The following PTGR2 variants were observed in gnomAD, a reference collection of about 807,000 sequenced individuals.
The protein encoded by PTGR2 is prostaglandin reductase 2.
PTGR2 carries 32 observed loss-of-function variants against 43.4 expected under a neutral mutation model. That is an observed-to-expected ratio of 0.74 (90% CI 0.56 to 0.99). The LOEUF is 0.99. Ranked by LOEUF, PTGR2 falls within the 50% of genes least tolerant of loss-of-function variation. PTGR2 has a pLI of 0.00. For synonymous variants in PTGR2, 106 were observed against 139.2 expected (o/e 0.76, Z 1.68); for missense variants, 373 against 420.0 (o/e 0.89, Z 0.98).
intron 9 of PTGR2, among the ~76,000 whole-genome samples, chr14:73,882,851 T>C (rs2140279516): frequency 8.9e-6 from 1 of 111,992 alleles, no homozygotes; most frequent in East Asian, 2.9e-4. Context: ...GACGGAGTCT[T>C]GCTCTGTCTC....
At chr14:73,882,636 G>T (rs11844489) in intron 9 of PTGR2, among the ~76,000 whole-genome samples, 198 bp downstream of exon 9, 2,541 of 152,048 alleles carry the variant, frequency 0.017, 68 homozygotes, top group African/African-American at 0.058. Context: ...AAGTAGCTGG[G>T]ACTACAGGCG....
At chr14:73,857,489 C>T (rs918367117) in intron 1 of PTGR2, among the ~76,000 whole-genome samples, 2 of 151,662 alleles carry the variant, frequency 1.3e-5, no homozygotes, top group African/African-American at 2.4e-5. Context: ...TGGTGCACGC[C>T]TGTAATCCCA....
intron 1 of PTGR2, chr14:73,852,259 C>T (rs2054245741): frequency 6.6e-6 from 1 of 152,144 alleles, no homozygotes; most frequent in Non-Finnish European, 1.5e-5. Flanking sequence ...GGATTGGACT[C>T]ACATTTTTTT....
At chr14:73,883,188 CTTTTTTTTTTT>C (rs58234739) in intron 9 of PTGR2, among the ~76,000 whole-genome samples, 977 of 58,146 alleles carry the variant, frequency 0.017, 63 homozygotes, top group African/African-American at 0.073. Flanking sequence ...CCTCACCTCC[CTTTTTTTTTTT>C]TTTTTTTTTT....
intron 3 of PTGR2, among the ~76,000 whole-genome samples, chr14:73,871,341 C>CTTTTTTTTTTTTTTTTT (rs869073652): frequency 1.5e-5 from 1 of 67,878 alleles, no homozygotes; most frequent in Admixed American, 1.8e-4. Context: ...GGCTGTTCAT[C>CTTTTTTTTTTTTTTTTT]TTTTTTTTTT....
intron 6 of PTGR2, 91 bp from the exon 7 acceptor site, chr14:73,879,964 G>T (rs1407169987): frequency 7.5e-7 from 1 of 1,326,162 alleles, no homozygotes; most frequent in Non-Finnish European, 1.1e-6. Context: ...TGACAGAAAG[G>T]ATTAAATAGT....
chr14:73,864,575 T>C (rs2054561788), intron 3 of PTGR2, among the ~76,000 whole-genome samples: 1 of 152,260 alleles, frequency 6.6e-6, no homozygotes, highest in Non-Finnish European at 1.5e-5. Flanking sequence ...TGCTTATTGG[T>C]CATTTGCATG....
chr14:73,875,753 T>C (rs975291351), intron 4 of PTGR2, among the ~76,000 whole-genome samples: 55 of 147,170 alleles, frequency 3.7e-4, no homozygotes, highest in South Asian at 8.5e-4. Context: ...TTTTTTTTTT[T>C]CCCATACTTG....
chr14:73,874,766 T>C (rs755464490), intron 4 of PTGR2: 1 of 353,494 alleles, frequency 2.8e-6, no homozygotes, highest in Non-Finnish European at 5.6e-6. Context: ...AGGAATTGCA[T>C]GGTAAACAAA....
At chr14:73,867,013 C>T (rs34774275) in intron 3 of PTGR2, among the ~76,000 whole-genome samples, 22,386 of 144,450 alleles carry the variant, frequency 0.15, 2,173 homozygotes, top group East Asian at 0.33. Context: ...TGTTTGAACC[C>T]GGGAGGCGGA....
intron 9 of PTGR2, among the ~76,000 whole-genome samples, chr14:73,882,817 TTTTTTTTTTTTTTTTTTTTTTG>T (rs2055024944): frequency 9.5e-6 from 1 of 104,824 alleles, no homozygotes; most frequent in African/African-American, 3.8e-5. Flanking sequence ...TTTTTTTTTT[TTTTTTTTTTTTTTTTTTTTTTG>T]AGACGGAGTC....
At position 73,879,994 on chromosome 14, in the gene PTGR2, G is replaced by A. The variant is rs1032802924; in HGVS notation, c.730-61G>A. 6 of 1,563,794 alleles carry A rather than the reference G, an allele frequency of 3.8e-6. No homozygotes were observed. The Admixed American group carries it at 8.5e-5, about 22-fold the overall frequency. Reference sequence around the variant, plus strand: ...AATAGTCAAGGAGGCTTCCATTATGGCAGCCATAAAATCAGTAAACATAGG... The same window carrying A: ...AATAGTCAAGGAGGCTTCCATTATGACAGCCATAAAATCAGTAAACATAGG... On this transcript the variant is annotated intron_variant, in intron 6 of 9. Transcript: ENST00000555661.
chr14:73,882,609 T>C (rs368112379), intron 9 of PTGR2, among the ~76,000 whole-genome samples, 171 bp downstream of exon 9: 2 of 152,154 alleles, frequency 1.3e-5, no homozygotes, highest in East Asian at 3.9e-4. Flanking sequence ...CACGCCATTC[T>C]CCTGCCTCAG....
At chr14:73,865,446 C>A (rs2054579206) in intron 3 of PTGR2, among the ~76,000 whole-genome samples, 1 of 152,180 alleles carries the variant, frequency 6.6e-6, no homozygotes, top group Non-Finnish European at 1.5e-5. Flanking sequence ...GAGGGCAGAT[C>A]TTCACCACAT....
At chr14:73,866,789 C>T (rs936624101) in intron 3 of PTGR2, among the ~76,000 whole-genome samples, 4 of 151,948 alleles carry the variant, frequency 2.6e-5, no homozygotes, top group African/African-American at 9.7e-5. Flanking sequence ...CTAAGGAGAA[C>T]AAAATGTAGA....
chr14:73,868,148 G>A (rs1373153744), intron 3 of PTGR2, among the ~76,000 whole-genome samples: 4 of 152,156 alleles, frequency 2.6e-5, no homozygotes, highest in African/African-American at 9.7e-5. Context: ...AATTAGCCAG[G>A]CGTGGTGGCA....
Position 73,882,380 on chromosome 14 carries a change from T to C in PTGR2, c.940-19T>C. 6.7e-7 allele frequency: 1 copy of C among 1,487,074 alleles called. No individual in the cohort carries two copies. The allele number at this position is 1,487,074 out of a possible 1,614,324, so 92.1% of individuals were successfully genotyped here. ...ATTGAAGTTTAAAGACTATTAAATC[T>C]AGCTATTTTGATTTACAGATTAAAG... On this transcript the variant is annotated intron_variant, in intron 8 of 9. Transcript: ENST00000555661.
chr14:73,872,799 A>G (rs181402565), intron 3 of PTGR2, among the ~76,000 whole-genome samples: 1 of 152,022 alleles, frequency 6.6e-6, no homozygotes, highest in African/African-American at 2.4e-5. Context: ...CAATATGGCG[A>G]AACTCCGTCT....
At position 73,866,816 on chromosome 14, in the gene PTGR2, C is replaced by T. The variant is rs150915339; in HGVS notation, c.156+6159C>T. On this transcript the variant is annotated intron_variant, in intron 3 of 9. Coordinates refer to ENST00000555661, the MANE Select transcript of PTGR2 (RefSeq NM_001146154.2). ...AAATGTAGAAGAAGGTTGCTGGGTG[C>T]GGTGTCTCACACCTGTAATCCCAGC... is the stretch of plus-strand genomic sequence containing the variant. 1.1e-4 allele frequency among the ~76,000 whole-genome samples: 17 copies of T among 151,838 alleles called. No individual in the cohort carries two copies. The East Asian group carries it at 3.3e-3, about 30-fold the overall frequency.
Sources: allele counts gnomAD v4.1 joint callset (sites outside exome capture counted in the v4.1 genomes callset), GRCh38; gene constraint gnomAD v4.1.1; transcripts MANE v1.5; gene names NCBI Gene and HGNC (gene_info 2026-07-23, HGNC 2026-07-21).